CAMK1D: variants seen among roughly 807,000 people sequenced by gnomAD.
CAMK1D encodes the protein calcium/calmodulin-dependent protein kinase type 1D.
Under a neutral mutation model 47.7 loss-of-function variants are expected in CAMK1D, and 9 were observed. That is an observed-to-expected ratio of 0.19 (90% CI 0.11 to 0.33). The LOEUF is 0.33. Among genes scored for constraint, CAMK1D ranks in the 10% least tolerant of loss-of-function variants. The pLI is 1.00. For synonymous variants in CAMK1D, 184 were observed against 184.9 expected, an observed-to-expected ratio of 0.99 and a Z score of 0.04; for missense variants, 291 against 488.7, an observed-to-expected ratio of 0.60 and a Z score of 3.81.
At chr10:12,557,364 A>G (rs1374480672) in intron 2 of CAMK1D, among the ~76,000 whole-genome samples, 1 of 152,058 alleles carries the variant, frequency 6.6e-6, no homozygotes, top group African/African-American at 2.4e-5. Context: ...CCTGGCTAAT[A>G]CGGTGAAACC....
intron 6 of CAMK1D, among the ~76,000 whole-genome samples, chr10:12,803,125 A>G (rs1403021686): frequency 2.6e-5 from 4 of 152,256 alleles, no homozygotes; most frequent in Non-Finnish European, 5.9e-5. Context: ...ACTTAGAACT[A>G]TGCATTAAAT....
chr10:12,812,413 C>T (rs2493755), intron 6 of CAMK1D, among the ~76,000 whole-genome samples: 114,595 of 152,060 alleles, frequency 0.75, 46,888 homozygotes, highest in Non-Finnish European at 0.92. Flanking sequence ...GTCAGGAGTT[C>T]GAGACCAGCC....
rs191145818 is a variant in CAMK1D, at chr10:12,746,251, C to A, written c.300-14697C>A. Among the ~76,000 whole-genome samples the A allele has an allele frequency of 1.0e-3, 155 of 151,116 alleles. 1 individual carries two copies. Among genetic ancestry groups the A allele is most frequent in the Non-Finnish European group, 1.5e-3 (102 of 67,960 alleles). On this transcript the variant is annotated intron_variant, in intron 3 of 10. Transcript: ENST00000619168. ...TGGTGACAGGTGCCTGTAGTCCCAG[C>A]TACTCGGGAGGCTGAGGCAGGAGAA...
intron 2 of CAMK1D, among the ~76,000 whole-genome samples, chr10:12,629,296 G>C (rs1193235336): frequency 6.6e-6 from 1 of 152,118 alleles, no homozygotes; most frequent in Non-Finnish European, 1.5e-5. Flanking sequence ...ATCCAGTCCT[G>C]GTTTTAGCCT....
intron 1 of CAMK1D, among the ~76,000 whole-genome samples, chr10:12,446,601 C>T (rs547395613): frequency 6.6e-6 from 1 of 152,300 alleles, no homozygotes; most frequent in Admixed American, 6.5e-5. Flanking sequence ...CTCATTTTAC[C>T]CAGTCCCTAC....
At chr10:12,783,016 A>G (rs1426629493) in intron 5 of CAMK1D, among the ~76,000 whole-genome samples, 14 of 144,210 alleles carry the variant, frequency 9.7e-5, no homozygotes, top group Non-Finnish European at 1.2e-4. Context: ...TTTTTGAGAC[A>G]GAGTCTTGCT....
intron 3 of CAMK1D, among the ~76,000 whole-genome samples, chr10:12,691,369 A>T (rs190471849): frequency 3.9e-3 from 37 of 9,460 alleles, no homozygotes; most frequent in Middle Eastern, 0.067. Flanking sequence ...ATATATATAT[A>T]TATATATAAA....
chr10:12,780,107 G>A (rs1017599467), intron 5 of CAMK1D, among the ~76,000 whole-genome samples: 3 of 152,044 alleles, frequency 2.0e-5, no homozygotes, highest in African/African-American at 4.8e-5. Context: ...CAACATTCTC[G>A]GTGTATTTTT....
chr10:12,758,132 G>T (rs1054551260), intron 3 of CAMK1D, among the ~76,000 whole-genome samples: 1 of 152,042 alleles, frequency 6.6e-6, no homozygotes. Flanking sequence ...TTACAGGCAT[G>T]AGCCACCACA....
chr10:12,389,397 A>G (rs1215773916), intron 1 of CAMK1D, among the ~76,000 whole-genome samples: 2 of 152,174 alleles, frequency 1.3e-5, no homozygotes, highest in Non-Finnish European at 2.9e-5. Flanking sequence ...GTGCGTGGCC[A>G]GAGGTGTCTT....
At chr10:12,465,938 A>G (rs928582493) in intron 1 of CAMK1D, among the ~76,000 whole-genome samples, 1 of 152,206 alleles carries the variant, frequency 6.6e-6, no homozygotes, top group Non-Finnish European at 1.5e-5. Context: ...CCAGAAAAAG[A>G]CTGAAATGAT....
At chr10:12,792,707 T>G (rs1341449215) in intron 6 of CAMK1D, among the ~76,000 whole-genome samples, 1 of 152,220 alleles carries the variant, frequency 6.6e-6, no homozygotes, top group East Asian at 1.9e-4. Flanking sequence ...GCCTGTAGAT[T>G]CTTGTCGTTA....
At chr10:12,696,800 A>G (rs1488082974) in intron 3 of CAMK1D, among the ~76,000 whole-genome samples, 1 of 152,252 alleles carries the variant, frequency 6.6e-6, no homozygotes, top group African/African-American at 2.4e-5. Context: ...TCTTGCTTTC[A>G]TAGGAAAATG....
At chr10:12,379,372 G>A (rs926569874) in intron 1 of CAMK1D, among the ~76,000 whole-genome samples, 3 of 152,152 alleles carry the variant, frequency 2.0e-5, no homozygotes, top group East Asian at 3.8e-4. Context: ...ATTTAGGGTC[G>A]TGATGAGGTT....
intron 1 of CAMK1D, among the ~76,000 whole-genome samples, chr10:12,451,557 AGAGGGG>A (rs1472341857): frequency 6.6e-6 from 1 of 152,232 alleles, no homozygotes; most frequent in African/African-American, 2.4e-5. Context: ...TAATTTATTT[AGAGGGG>A]GCGAGAGAAA....
chr10:12,356,938 C>G (rs1194436426), intron 1 of CAMK1D, among the ~76,000 whole-genome samples: 1 of 152,088 alleles, frequency 6.6e-6, no homozygotes, highest in African/African-American at 2.4e-5. Flanking sequence ...TTTGTGTGCT[C>G]TCAGGGGAGG....
At chr10:12,380,208 C>G (rs529171925) in intron 1 of CAMK1D, among the ~76,000 whole-genome samples, 2 of 151,878 alleles carry the variant, frequency 1.3e-5, no homozygotes, top group South Asian at 2.1e-4. Context: ...GAGCGAGACT[C>G]TATCTCAAAA....
intron 10 of CAMK1D, among the ~76,000 whole-genome samples, chr10:12,827,228 T>C (rs559682844): frequency 2.3e-4 from 35 of 150,582 alleles, no homozygotes; most frequent in Non-Finnish European, 4.6e-4. Context: ...TCCTTCCTTC[T>C]TTCCTTCCCT....
chr10:12,472,678 C>T lies in CAMK1D; in HGVS notation c.93-80547C>T, dbSNP rs140230907. On this transcript the variant is annotated intron_variant, in intron 1 of 10. Transcript: ENST00000619168. The stretch of plus-strand genomic sequence containing the variant: ...CTGGGATTACAGGCATGCGCCACCC[C>T]GCCTACCTAATTTCTGTATTTTTAG... Among the ~76,000 whole-genome samples, 815 of 152,110 alleles carry T rather than the reference C, an allele frequency of 5.4e-3. 8 individuals are homozygous for T. The highest frequency in any genetic ancestry group is 0.019 in the African/African-American group (792 of 41,504).
Sources: allele counts gnomAD v4.1 joint callset (sites outside exome capture counted in the v4.1 genomes callset), GRCh38; gene constraint gnomAD v4.1.1; transcripts MANE v1.5; gene names NCBI Gene and HGNC (gene_info 2026-07-23, HGNC 2026-07-21).